Variants in FER observed in about 807,000 individuals in gnomAD.
FER encodes the protein tyrosine-protein kinase Fer.
FER carries 63 observed loss-of-function variants against 111.0 expected under a neutral mutation model. The ratio of observed to expected loss-of-function variants is 0.57; its 90% CI spans 0.46 to 0.70. The LOEUF (loss-of-function observed/expected upper bound fraction) is 0.70. Among genes scored for constraint, FER ranks in the 30% least tolerant of loss-of-function variants. FER has a pLI of 0.00. For synonymous variants in FER, 327 were observed against 313.9 expected (o/e 1.04, Z -0.44); for missense variants, 914 against 954.0 (o/e 0.96, Z 0.55).
At chr5:109,029,523 C>T (rs1769298007) in intron 13 of FER, among the ~76,000 whole-genome samples, 1 of 149,020 alleles carries the variant, frequency 6.7e-6, no homozygotes, top group Non-Finnish European at 1.5e-5. Flanking sequence ...CCTCCTGCCT[C>T]GGCTTCCCAA....
At chr5:109,131,862 C>T (rs79160608) in intron 17 of FER, among the ~76,000 whole-genome samples, 3,952 of 152,228 alleles carry the variant, frequency 0.026, 197 homozygotes, top group African/African-American at 0.09. Context: ...TAGTATCATG[C>T]ATACTCCTTG....
intron 9 of FER, 101 bp from the exon 10 acceptor site, chr5:108,897,558 C>T: frequency 2.3e-6 from 2 of 859,042 alleles, no homozygotes; most frequent in Non-Finnish European, 3.3e-6. Flanking sequence ...CTAAAGGGCT[C>T]TTATAAAAAT....
At chr5:108,936,351 T>G (rs1037994602) in intron 10 of FER, among the ~76,000 whole-genome samples, 3 of 148,806 alleles carry the variant, frequency 2.0e-5, no homozygotes, top group Non-Finnish European at 4.5e-5. Flanking sequence ...TTCTTAATTT[T>G]TAGATGATAA....
intron 13 of FER, among the ~76,000 whole-genome samples, chr5:108,993,804 C>T (rs971707147): frequency 3.2e-4 from 49 of 152,160 alleles, no homozygotes; most frequent in African/African-American, 1.2e-3. Flanking sequence ...TGTGTCTTAA[C>T]TTTTGATAGT....
At chr5:109,056,995 T>G (rs369088884) in intron 16 of FER, among the ~76,000 whole-genome samples, 3 of 152,304 alleles carry the variant, frequency 2.0e-5, no homozygotes, top group African/African-American at 7.2e-5. Flanking sequence ...AGTGAGATTT[T>G]ATTTTATCAA....
At chr5:108,858,079 C>G (rs1763170770) in intron 5 of FER, among the ~76,000 whole-genome samples, 1 of 152,160 alleles carries the variant, frequency 6.6e-6, no homozygotes, top group South Asian at 2.1e-4. Flanking sequence ...AGGAAATAAG[C>G]AACACGTACA....
intron 18 of FER, among the ~76,000 whole-genome samples, chr5:109,184,928 G>A (rs558782535): frequency 2.0e-5 from 3 of 152,260 alleles, no homozygotes; most frequent in South Asian, 4.1e-4. Context: ...TATAAATCCT[G>A]CAGTGGCAGA....
chr5:109,006,185 C>T (rs1158734333), intron 13 of FER, among the ~76,000 whole-genome samples: 3 of 151,880 alleles, frequency 2.0e-5, no homozygotes, highest in Non-Finnish European at 4.4e-5. Flanking sequence ...TTCCTTTTAC[C>T]CTTCTGTAAT....
chr5:108,916,847 A>C (rs1752337165), intron 10 of FER, among the ~76,000 whole-genome samples: 1 of 152,130 alleles, frequency 6.6e-6, no homozygotes, highest in African/African-American at 2.4e-5. Context: ...GTATAATAGA[A>C]TCATATAGAC....
Position 108,998,266 on chromosome 5 carries a change from G to T in FER, c.1656+38919G>T, listed in dbSNP as rs1202926743. Among the ~76,000 whole-genome samples, 4 of 152,074 alleles carry T rather than the reference G, an allele frequency of 2.6e-5. No individual in the cohort carries two copies. In the East Asian group the frequency reaches 5.8e-4, roughly 22 times the overall value. ...CCCAGTCTTGTGGTTGAAACTCAGG[G>T]CCCTCGTTGCCTAGCCACCTGAGGG... On this transcript the variant is annotated intron_variant, in intron 13 of 19. Transcript: ENST00000281092.
intron 8 of FER, among the ~76,000 whole-genome samples, chr5:108,877,586 G>A (rs1765217720): frequency 6.6e-6 from 1 of 152,200 alleles, no homozygotes; most frequent in South Asian, 2.1e-4. Flanking sequence ...TTAAGAAAGA[G>A]ATGGCAAGAA....
chr5:109,019,834 T>A (rs1258661854), intron 13 of FER, among the ~76,000 whole-genome samples: 2 of 151,896 alleles, frequency 1.3e-5, no homozygotes, highest in Non-Finnish European at 2.9e-5. Context: ...TCTGTAGATA[T>A]ATTTATATAT....
intron 17 of FER, among the ~76,000 whole-genome samples, chr5:109,155,531 G>C (rs552797431): frequency 8.6e-5 from 13 of 151,978 alleles, no homozygotes; most frequent in African/African-American, 2.4e-4. Context: ...AAGATTAATT[G>C]TAGCCCAAAG....
At chr5:109,035,125 C>T (rs1038367254) in intron 13 of FER, among the ~76,000 whole-genome samples, 14 of 151,030 alleles carry the variant, frequency 9.3e-5, no homozygotes, top group African/African-American at 3.4e-4. Flanking sequence ...CCTCTGCTTC[C>T]CGGGTTCAAG....
chr5:109,175,417 T>A (rs1382134998), intron 17 of FER, among the ~76,000 whole-genome samples: 1 of 152,194 alleles, frequency 6.6e-6, no homozygotes, highest in African/African-American at 2.4e-5. Flanking sequence ...ATAAATGATG[T>A]AATACTTAAA....
At chr5:108,904,185 A>G (rs1750428449) in intron 10 of FER, among the ~76,000 whole-genome samples, 1 of 152,290 alleles carries the variant, frequency 6.6e-6, no homozygotes, top group African/African-American at 2.4e-5. Flanking sequence ...TTTCACTGTT[A>G]TGGGCCTTTT....
In FER at chr5:109,188,693, CTAAGAAAAGTTTCAGGAGTT is replaced by C. The variant is rs1394155618; in HGVS notation, c.*1119_*1138del. On this transcript the variant is annotated 3_prime_UTR_variant, in exon 20 of 20. Coordinates refer to ENST00000281092, the MANE Select transcript of FER (RefSeq NM_005246.4). ...ATGGTCTGAATTTACCAGAAAGGTC[CTAAGAAAAGTTTCAGGAGTT>C]CGTAGAGTCCTCGTAATGGCAACAA... 1 of 152,024 alleles carries C rather than the reference CTAAGAAAAGTTTCAGGAGTT, an allele frequency of 6.6e-6. No individual in the cohort carries two copies. The highest frequency in any genetic ancestry group is 1.5e-5 in the Non-Finnish European group (1 of 68,008). 9.4% of individuals were successfully genotyped at this position (152,024 alleles called of 1,614,324 possible). A position where few individuals can be genotyped will look rare whatever the true frequency, so the allele number is the denominator to read the frequency against.
chr5:109,011,709 C>G (rs553909320), intron 13 of FER, among the ~76,000 whole-genome samples: 8 of 152,198 alleles, frequency 5.3e-5, no homozygotes, highest in Middle Eastern at 3.4e-3. Flanking sequence ...GCTATTTTAT[C>G]TTTTTGCTCT....
intron 5 of FER, among the ~76,000 whole-genome samples, chr5:108,861,927 G>T (rs892248638): frequency 1.3e-5 from 2 of 152,072 alleles, no homozygotes; most frequent in Non-Finnish European, 2.9e-5. Flanking sequence ...CCAAATCATG[G>T]TAAGTGAGCA....
Sources: gnomAD v4.1 joint callset for allele counts (sites outside exome capture counted in the v4.1 genomes callset) on GRCh38, gnomAD v4.1.1 for gene constraint, MANE v1.5 for transcripts, NCBI Gene and HGNC (gene_info 2026-07-23, HGNC 2026-07-21) for gene names.